The following ADGB variants were observed in gnomAD, a reference collection of about 807,000 sequenced individuals.
The protein encoded by ADGB is androglobin, also known as calpain-7-like protein.
In ADGB, 172 loss-of-function variants were observed where a neutral mutation model predicts 210.5. The observed-to-expected ratio is 0.82, with a 90% CI of 0.72 to 0.93. ADGB has a LOEUF of 0.93. Ranked by LOEUF, ADGB falls within the 40% of genes least tolerant of loss-of-function variation. The pLI is 0.00. For synonymous variants in ADGB, 658 were observed against 662.7 expected, an observed-to-expected ratio of 0.99 and a Z score of 0.11; for missense variants, 2,025 against 1,964.8, an observed-to-expected ratio of 1.03 and a Z score of -0.58.
At chr6:146,634,848 G>C (rs1362112925) in intron 1 of ADGB, among the ~76,000 whole-genome samples, 1 of 151,812 alleles carries the variant, frequency 6.6e-6, no homozygotes, top group East Asian at 1.9e-4. Context: ...TAGAAGCTTA[G>C]TTAAATGAAA....
intron 4 of ADGB, among the ~76,000 whole-genome samples, chr6:146,654,474 T>C (rs1401915552): frequency 2.0e-5 from 3 of 151,978 alleles, no homozygotes; most frequent in African/African-American, 4.8e-5. Flanking sequence ...CCACCTCAGA[T>C]TCCTGGTAGC....
rs1159589393 is a variant in ADGB, at chr6:146,741,191, C to T, written c.3097C>T (p.His1033Tyr). Residue 1033 changes from histidine to tyrosine, a missense_variant, in exon 25 of 36, where the codon CAC (histidine) becomes TAC (tyrosine). By Grantham distance (83) the His-to-Tyr change is moderately conservative. Coordinates refer to ENST00000397944, the MANE Select transcript of ADGB (RefSeq NM_024694.4). ...VYTTLPICIL[H>Y]IVNNDTMEQV... ...TACTACACTTCCAATCTGTATCCTA[C>T]ACATTGTTAATAATGACACAATGGA... 1 of 1,550,888 alleles carries T rather than the reference C, an allele frequency of 6.4e-7. No individual in the cohort carries two copies. Among genetic ancestry groups the T allele is most frequent in the Non-Finnish European group, 8.7e-7 (1 of 1,146,474 alleles).
At chr6:146,607,723 G>T (rs1434951484) in intron 1 of ADGB, among the ~76,000 whole-genome samples, 1 of 152,086 alleles carries the variant, frequency 6.6e-6, no homozygotes, top group East Asian at 1.9e-4. Flanking sequence ...AACCAACCTT[G>T]CATCCCATGA....
chr6:146,641,851 A>G (rs1775519608), intron 2 of ADGB, among the ~76,000 whole-genome samples: 1 of 152,118 alleles, frequency 6.6e-6, no homozygotes. Flanking sequence ...ATGGGCAAAG[A>G]TTTCATGACG....
chr6:146,666,609 C>A (rs9403801), intron 6 of ADGB, among the ~76,000 whole-genome samples: 1 of 151,488 alleles, frequency 6.6e-6, no homozygotes, highest in East Asian at 1.9e-4. Flanking sequence ...TATAAACATG[C>A]CTTGCAAATA....
chr6:146,607,496 C>T (rs1780648812), intron 1 of ADGB, among the ~76,000 whole-genome samples: 1 of 152,116 alleles, frequency 6.6e-6, no homozygotes, highest in Admixed American at 6.5e-5. Context: ...ATGCTTCCAA[C>T]TTTTGCCCAT....
In ADGB at chr6:146,667,525, C is replaced by T. The variant is rs142018199; in HGVS notation, c.839+623C>T. Among the ~76,000 whole-genome samples the T allele has an allele frequency of 3.4e-3, 513 of 152,048 alleles. 4 individuals carry two copies. The highest frequency in any genetic ancestry group is 0.02 in the Middle Eastern group (6 of 294). The stretch of plus-strand genomic sequence containing the variant: ...TGTATCTGCTTCTTCATAGGGATTG[C>T]CTGTAGCTCAGCAGTCCTTCATATT... On this transcript the variant is annotated intron_variant, in intron 7 of 35. Transcript: ENST00000397944.
intron 9 of ADGB, among the ~76,000 whole-genome samples, chr6:146,678,225 GT>G (rs1020216412): frequency 1.3e-5 from 2 of 152,066 alleles, no homozygotes; most frequent in Admixed American, 6.6e-5. Flanking sequence ...TATATTGTTT[GT>G]TTGTTTATTT....
intron 33 of ADGB, among the ~76,000 whole-genome samples, chr6:146,797,544 T>C (rs1778064446): frequency 6.6e-6 from 1 of 152,030 alleles, no homozygotes; most frequent in African/African-American, 2.4e-5. Flanking sequence ...CACGTATACA[T>C]ATATACATAT....
intron 2 of ADGB, 28 bp from the exon 3 acceptor site, chr6:146,644,745 A>G (rs747355647): frequency 7.9e-7 from 1 of 1,268,142 alleles, no homozygotes; most frequent in South Asian, 1.8e-5. Flanking sequence ...AAGAATATGC[A>G]GAAAAAACTC....
At chr6:146,794,418 T>C (rs952879787) in intron 33 of ADGB, among the ~76,000 whole-genome samples, 3 of 149,036 alleles carry the variant, frequency 2.0e-5, no homozygotes, top group Non-Finnish European at 2.9e-5. Flanking sequence ...AAAACCTTAC[T>C]GTTTCCTCAC....
chr6:146,758,918 A>T (rs1362710311), intron 27 of ADGB, among the ~76,000 whole-genome samples: 1 of 152,002 alleles, frequency 6.6e-6, no homozygotes, highest in Non-Finnish European at 1.5e-5. Flanking sequence ...ATTGTACATT[A>T]GATAATTTCT....
At chr6:146,621,762 C>T (rs761785215) in intron 1 of ADGB, among the ~76,000 whole-genome samples, 15 of 152,110 alleles carry the variant, frequency 9.9e-5, no homozygotes, top group Non-Finnish European at 1.3e-4. Context: ...TTAATATTCA[C>T]TGTCCATTGA....
chr6:146,610,745 G>T (rs549942906), intron 1 of ADGB, among the ~76,000 whole-genome samples: 1 of 152,232 alleles, frequency 6.6e-6, no homozygotes, highest in South Asian at 2.1e-4. Context: ...CAGTCAGCTG[G>T]CAACAACACT....
At chr6:146,722,543 T>C (rs1362323836) in intron 17 of ADGB, among the ~76,000 whole-genome samples, 1 of 152,186 alleles carries the variant, frequency 6.6e-6, no homozygotes, top group African/African-American at 2.4e-5. Context: ...CTGCTTACAT[T>C]TGAGGAGCAC....
intron 1 of ADGB, among the ~76,000 whole-genome samples, chr6:146,603,225 T>C (rs1303131180): frequency 6.6e-6 from 1 of 152,210 alleles, no homozygotes; most frequent in Non-Finnish European, 1.5e-5. Context: ...ATTAAATTAA[T>C]TGATCAATCT....
At chr6:146,717,810 T>C (rs1429511201) in intron 16 of ADGB, among the ~76,000 whole-genome samples, 5 of 152,240 alleles carry the variant, frequency 3.3e-5, no homozygotes, top group Non-Finnish European at 7.3e-5. Context: ...TCTGACTATG[T>C]TGAATCCTGG....
Position 146,672,350 on chromosome 6 carries a change from G to C in ADGB, c.970G>C (p.Gly324Arg). ...TAAATTAAAAGAACCAGGGAAAGAA[G>C]GGAAGGAGGGAAAAGAAATAAAGGA... ...DSKLKEPGKE[G>R]KEGKEIKDGK... Residue 324 changes from glycine to arginine, a missense_variant, in exon 8 of 36, where the codon GGG becomes CGG. Physicochemically the swap from Gly to Arg is moderately radical, Grantham distance 125. Transcript: ENST00000397944. 1 of 1,551,244 alleles carries C rather than the reference G, an allele frequency of 6.4e-7. No homozygotes were observed. Among genetic ancestry groups the C allele is most frequent in the South Asian group, 1.2e-5 (1 of 84,012 alleles).
At position 146,656,906 on chromosome 6, in the gene ADGB, C is replaced by A; in HGVS notation, c.538C>A (p.Leu180Met). 1 of 1,551,650 alleles carries A rather than the reference C, an allele frequency of 6.4e-7. No homozygotes were observed. The highest frequency in any genetic ancestry group is 8.7e-7 in the Non-Finnish European group (1 of 1,146,900). The change falls in exon 5 of 36, where the codon CTG becomes ATG. Residue 180 changes from leucine to methionine, a missense_variant. Transcript: ENST00000397944. ...GAAGCCCTGGGAACACATATACTCT[C>A]TGTGCAAGGCTGTGAAGGGTCATAT... ...PWKPWEHIYSLCKAVKGHMPL... is the reference protein window; with the variant it reads ...PWKPWEHIYSMCKAVKGHMPL...
Sources: allele counts gnomAD v4.1 joint callset (sites outside exome capture counted in the v4.1 genomes callset), GRCh38; gene constraint gnomAD v4.1.1; transcripts MANE v1.5; gene names NCBI Gene and HGNC (gene_info 2026-07-23, HGNC 2026-07-21).